The following ULK4 variants were observed in gnomAD, a reference collection of about 807,000 sequenced individuals.
ULK4 encodes the protein inactive serine/threonine-protein kinase ULK4.
In ULK4, 133 loss-of-function variants were observed where a neutral mutation model predicts 160.6. That is an observed-to-expected ratio of 0.83 (90% CI 0.72 to 0.96). ULK4 has a LOEUF of 0.96. Ranked by LOEUF, ULK4 falls within the 40% of genes least tolerant of loss-of-function variation. The pLI is 0.00. For missense variants in ULK4, 1,580 were observed against 1,499.5 expected (o/e 1.05, Z -0.89); for synonymous variants, 534 against 539.8 (o/e 0.99, Z 0.15).
chr3:41,942,649 C>A (rs1248954007), intron 2 of ULK4, among the ~76,000 whole-genome samples: 2 of 152,128 alleles, frequency 1.3e-5, no homozygotes, highest in African/African-American at 4.8e-5. Context: ...GAAACCCCAT[C>A]TCTACTAAAA....
At chr3:41,267,020 G>GC (rs1422269566) in intron 35 of ULK4, among the ~76,000 whole-genome samples, 3 of 130,952 alleles carry the variant, frequency 2.3e-5, no homozygotes, top group Non-Finnish European at 3.2e-5. Flanking sequence ...GTCTCTATTG[G>GC]GGGGGGGGGG....
rs1016343246 is a variant in ULK4 at position 41,249,658 on chromosome 3, G to A, written c.3679-84C>T. ...GTTGGATGGGCACCCTGAGTATCAG[G>A]CCTGCATGGTGCTGTGGCTGCCTAA... On this transcript the variant is annotated intron_variant, in intron 35 of 36. Coordinates refer to ENST00000301831, the MANE Select transcript of ULK4 (RefSeq NM_017886.4). 10 of 1,411,256 alleles carry A rather than the reference G, an allele frequency of 7.1e-6. No individual in the cohort carries two copies. In the East Asian group the frequency reaches 2.4e-4, roughly 34 times the overall value. The allele number at this position is 1,411,256 out of a possible 1,614,324, so 87.4% of individuals were successfully genotyped here.
chr3:41,834,462 A>C (rs1047899068), intron 18 of ULK4, among the ~76,000 whole-genome samples: 1 of 152,188 alleles, frequency 6.6e-6, no homozygotes, highest in African/African-American at 2.4e-5. Context: ...GTAGTTTTTA[A>C]AAACAGATGA....
At position 41,764,924 on chromosome 3, in the gene ULK4, T is replaced by C. The variant is rs868656479; in HGVS notation, c.2194-10436A>G. Among the ~76,000 whole-genome samples, 5 of 152,282 alleles carry C rather than the reference T, an allele frequency of 3.3e-5. No homozygotes were observed. In the South Asian group the frequency reaches 6.2e-4, roughly 19 times the overall value. On this transcript the variant is annotated intron_variant, in intron 21 of 36. Coordinates refer to ENST00000301831, the MANE Select transcript of ULK4 (RefSeq NM_017886.4). ...ACTATTGTGCAGGTGCTGGAGAGGATGTGGAGAAATAGGAACACTTTTACA... is the reference window on the plus strand; with the variant it reads ...ACTATTGTGCAGGTGCTGGAGAGGACGTGGAGAAATAGGAACACTTTTACA...
intron 27 of ULK4, among the ~76,000 whole-genome samples, chr3:41,695,945 T>G (rs866821376): frequency 6.6e-6 from 1 of 151,930 alleles, no homozygotes; most frequent in African/African-American, 2.4e-5. Flanking sequence ...AAGACAAGAG[T>G]GTGAGCCTTC....
intron 30 of ULK4, among the ~76,000 whole-genome samples, chr3:41,640,954 A>T (rs1196880035): frequency 6.6e-6 from 1 of 152,200 alleles, no homozygotes; most frequent in Non-Finnish European, 1.5e-5. Context: ...ATCTAAAGCT[A>T]TCCTTCATTC....
intron 31 of ULK4, among the ~76,000 whole-genome samples, chr3:41,581,242 T>C (rs2030309147): frequency 1.3e-5 from 2 of 152,202 alleles, no homozygotes; most frequent in African/African-American, 2.4e-5. Flanking sequence ...CACACAAATA[T>C]TGGCCAGGGT....
chr3:41,752,925 CAT>C (rs2038679741), intron 22 of ULK4, among the ~76,000 whole-genome samples: 1 of 152,066 alleles, frequency 6.6e-6, no homozygotes, highest in Non-Finnish European at 1.5e-5. Context: ...CAATAAAAAA[CAT>C]GTGGGCTGGG....
chr3:41,636,439 CAAG>C lies in ULK4; in HGVS notation c.3072-20725_3072-20723del, dbSNP rs1175969229. Among the ~76,000 whole-genome samples, 4 of 151,346 alleles carry C rather than the reference CAAG, an allele frequency of 2.6e-5. No individual in the cohort carries two copies. The Middle Eastern group carries it at 0.01, about 391-fold the overall frequency. On this transcript the variant is annotated intron_variant, in intron 30 of 36. Transcript: ENST00000301831. ...GTCCCAGCTACTTGGGAGGCTGAGGCAAGAAGATCACTTGAGGCTGGGAGGTTA... is the reference window on the plus strand; with the variant it reads ...GTCCCAGCTACTTGGGAGGCTGAGGCAAGATCACTTGAGGCTGGGAGGTTA...
chr3:41,448,850 G>C (rs2083364221), intron 34 of ULK4, among the ~76,000 whole-genome samples: 1 of 152,164 alleles, frequency 6.6e-6, no homozygotes, highest in Non-Finnish European at 1.5e-5. Flanking sequence ...TTCATTCACT[G>C]ACAGACAAAG....
chr3:41,559,609 C>G (rs1426780046), intron 32 of ULK4, among the ~76,000 whole-genome samples: 4 of 151,992 alleles, frequency 2.6e-5, no homozygotes, highest in African/African-American at 9.7e-5. Flanking sequence ...TTTTGATTTG[C>G]ATTTCTCTGA....
intron 17 of ULK4, among the ~76,000 whole-genome samples, chr3:41,857,860 G>C (rs2042397416): frequency 7.6e-6 from 1 of 131,022 alleles, no homozygotes; most frequent in South Asian, 2.2e-4. Flanking sequence ...GGTTTTCTTA[G>C]TCTGGCTAAA....
chr3:41,300,886 T>TATATATATATATA (rs2079782287), intron 35 of ULK4, among the ~76,000 whole-genome samples: 8 of 127,122 alleles, frequency 6.3e-5, no homozygotes, highest in South Asian at 2.5e-4. Flanking sequence ...TATATATATA[T>TATATATATATATA]TTGGTATCTT....
intron 33 of ULK4, 101 bp from the exon 34 acceptor site, chr3:41,455,696 A>T: frequency 4.1e-6 from 4 of 972,250 alleles, no homozygotes; most frequent in Non-Finnish European, 6.3e-6. Flanking sequence ...GGGGCTGAGG[A>T]AGCATTCTAC....
chr3:41,303,454 T>A (rs1297280257), intron 35 of ULK4, among the ~76,000 whole-genome samples: 2 of 152,216 alleles, frequency 1.3e-5, no homozygotes, highest in African/African-American at 4.8e-5. Flanking sequence ...TGCATTTATA[T>A]TACAGCACAT....
At chr3:41,337,506 A>T (rs553504104) in intron 35 of ULK4, among the ~76,000 whole-genome samples, 1 of 152,284 alleles carries the variant, frequency 6.6e-6, no homozygotes. Context: ...GATAGGGAAG[A>T]TAGGAAAAAC....
intron 30 of ULK4, among the ~76,000 whole-genome samples, chr3:41,654,330 T>C (rs574193811): frequency 6.6e-5 from 10 of 152,338 alleles, no homozygotes; most frequent in Non-Finnish European, 1.2e-4. Context: ...CTTTCAAAGA[T>C]AGTTAACAAC....
intron 21 of ULK4, among the ~76,000 whole-genome samples, chr3:41,770,857 A>G (rs1184706375): frequency 6.6e-6 from 1 of 152,168 alleles, no homozygotes; most frequent in Non-Finnish European, 1.5e-5. Context: ...TAAAGGAGAG[A>G]GCCTCATAGA....
At chr3:41,772,308 T>C (rs952385838) in intron 21 of ULK4, among the ~76,000 whole-genome samples, 24 of 151,940 alleles carry the variant, frequency 1.6e-4, no homozygotes, top group African/African-American at 3.4e-4. Flanking sequence ...ATCAACAAAA[T>C]TGATAGACTG....
Sources: allele counts gnomAD v4.1 joint callset (sites outside exome capture counted in the v4.1 genomes callset), GRCh38; gene constraint gnomAD v4.1.1; transcripts MANE v1.5; gene names NCBI Gene and HGNC (gene_info 2026-07-23, HGNC 2026-07-21).